Variants in MTMR11 observed in about 807,000 individuals in gnomAD.
The protein encoded by MTMR11 is myotubularin-related protein 11.
A neutral mutation model predicts 100.0 loss-of-function variants in MTMR11; 89 were observed. The observed-to-expected ratio is 0.89, with a 90% confidence interval of 0.75 to 1.06. MTMR11 has a LOEUF of 1.06. MTMR11 is among the 50% of genes least tolerant of loss of function. The probability of loss-of-function intolerance (pLI) is 0.00; values close to 1 mark genes in which losing one functional copy is unlikely to be tolerated. For synonymous variants in MTMR11, 336 were observed against 326.3 expected (o/e 1.03, Z -0.32); for missense variants, 809 against 873.7 (o/e 0.93, Z 0.93).
Position 149,933,594 on chromosome 1 carries a change from A to G in MTMR11, c.860+16T>C, listed in dbSNP as rs968774360. 1.9e-6 allele frequency: 3 copies of G among 1,613,628 alleles called. No individual in the cohort carries two copies. Among genetic ancestry groups the G allele is most frequent in the Non-Finnish European group, 2.5e-6 (3 of 1,179,658 alleles). On this transcript the variant is annotated intron_variant, in intron 9 of 16. Transcript: ENST00000439741. ...GAGCACCTAACCCTTGATTCTTCTC[A>G]TCAAGCCTCCCTCACCTGATATCCT... is the stretch of plus-strand genomic sequence containing the variant.
At chr1:149,933,030 C>T (rs587774810) in intron 10 of MTMR11, among the ~76,000 whole-genome samples, 2 of 150,632 alleles carry the variant, frequency 1.3e-5, no homozygotes, top group South Asian at 2.1e-4. Context: ...TCTCAGTTCA[C>T]CCGCCTCCTG....
Position 149,932,332 on chromosome 1 carries a change from T to A in MTMR11, c.986-2A>T. ...ATTTATCCTCAGCTACAGATGAATCTGATAGAGGGTAGAAAGATCAGAAGG... is the reference window on the plus strand; with the variant it reads ...ATTTATCCTCAGCTACAGATGAATCAGATAGAGGGTAGAAAGATCAGAAGG... On this transcript the variant is annotated splice_acceptor_variant, in intron 10 of 16. Coordinates refer to ENST00000439741, the MANE Select transcript of MTMR11 (RefSeq NM_001145862.2). LOFTEE classifies it high-confidence loss of function. 6.2e-7 allele frequency: 1 copy of A among 1,612,342 alleles called. No individual in the cohort carries two copies.
At position 149,928,742 on chromosome 1, in the gene MTMR11, A is replaced by T. The variant is rs2092613818; in HGVS notation, c.*387T>A. On this transcript the variant is annotated 3_prime_UTR_variant, in exon 17 of 17. Coordinates refer to ENST00000439741, the MANE Select transcript of MTMR11 (RefSeq NM_001145862.2). ...ATAGGGTGTTTCCTGTATCCGCCTC[A>T]TTCCCATAGAAAACTATAAGGGAAG... The T allele has an allele frequency of 2.1e-6, 2 of 946,188 alleles. No homozygotes were observed. Among genetic ancestry groups the T allele is most frequent in the African/African-American group, 1.6e-5 (1 of 61,044 alleles). The allele number at this position is 946,188 out of a possible 1,614,324, so 58.6% of individuals were successfully genotyped here.
Position 149,933,844 on chromosome 1 carries a change from AT to A in MTMR11, c.771+10del, listed in dbSNP as rs781920941. ...CTAATCCACAGCCATTACCCTAACCATCACACTGACCGGTCCACGGCCCTGA... is the reference window on the plus strand; with the variant it reads ...CTAATCCACAGCCATTACCCTAACCACACACTGACCGGTCCACGGCCCTGA... On this transcript the variant is annotated intron_variant, in intron 8 of 16. Coordinates refer to ENST00000439741, the MANE Select transcript of MTMR11 (RefSeq NM_001145862.2). 1.9e-6 allele frequency: 3 copies of A among 1,613,500 alleles called. No individual in the cohort carries two copies. Among genetic ancestry groups the A allele is most frequent in the Non-Finnish European group, 2.5e-6 (3 of 1,179,418 alleles).
chr1:149,933,838 C>CT lies in MTMR11; in HGVS notation c.771+16dup, dbSNP rs1553768255. 2 of 1,613,170 alleles carry CT rather than the reference C, an allele frequency of 1.2e-6. No homozygotes were observed. Among genetic ancestry groups the CT allele is most frequent in the Admixed American group, 3.3e-5 (2 of 60,022 alleles). ...GACCCTCTAATCCACAGCCATTACC[C>CT]TAACCATCACACTGACCGGTCCACG... On this transcript the variant is annotated intron_variant, in intron 8 of 16. Coordinates refer to ENST00000439741, the MANE Select transcript of MTMR11 (RefSeq NM_001145862.2).
At chr1:149,933,158 G>A (rs1197283902) in intron 10 of MTMR11, among the ~76,000 whole-genome samples, 1 of 151,940 alleles carries the variant, frequency 6.6e-6, no homozygotes, top group African/African-American at 2.4e-5. Flanking sequence ...GTTTCACCAT[G>A]TTGGCCAGGT....
Position 149,929,001 on chromosome 1 carries a change from A to G in MTMR11, c.*128T>C, listed in dbSNP as rs2092617852. Reference sequence around the variant, plus strand: ...AGAAACTAAGCAAGACAAGAGTTGGAGCAGTTAACACCACTATCTGCAGCA... The same window carrying G: ...AGAAACTAAGCAAGACAAGAGTTGGGGCAGTTAACACCACTATCTGCAGCA... On this transcript the variant is annotated 3_prime_UTR_variant, in exon 17 of 17. Transcript: ENST00000439741. 4 of 1,608,098 alleles carry G rather than the reference A, an allele frequency of 2.5e-6. No homozygotes were observed. The highest frequency in any genetic ancestry group is 2.2e-5 in the East Asian group (1 of 44,740).
At chr1:149,934,597 G>T in intron 5 of MTMR11, 71 bp from the exon 6 acceptor site, 5 of 1,439,646 alleles carry the variant, frequency 3.5e-6, no homozygotes, top group Non-Finnish European at 4.9e-6. Flanking sequence ...TGGAGCCCAT[G>T]TGTTGCTCCA....
Position 149,929,093 on chromosome 1 carries a change from C to CAAAA in MTMR11, c.*32_*35dup. The CAAAA allele has an allele frequency of 1.3e-5, 19 of 1,426,786 alleles. No individual in the cohort carries two copies. The highest frequency in any genetic ancestry group is 1.8e-5 in the African/African-American group (1 of 55,168). 88.4% of individuals were successfully genotyped at this position (1,426,786 alleles called of 1,614,324 possible). A position where few individuals can be genotyped will look rare whatever the true frequency, so the allele number is the denominator to read the frequency against. ...AAAGCTGAGGCTGCAAGTGCAGATACAAAAAAAAAAAAAAAAGATTAGACA... is the reference window on the plus strand; with the variant it reads ...AAAGCTGAGGCTGCAAGTGCAGATACAAAAAAAAAAAAAAAAAAAAGATTAGACA... On this transcript the variant is annotated 3_prime_UTR_variant, in exon 17 of 17. Transcript: ENST00000439741.
intron 4 of MTMR11, 77 bp from the exon 5 acceptor site, chr1:149,935,205 T>A: frequency 6.2e-7 from 1 of 1,607,222 alleles, no homozygotes; most frequent in Non-Finnish European, 8.5e-7. Context: ...CCCATCCCAC[T>A]CCATCCCTGC....
chr1:149,929,775 TAGC>T lies in MTMR11; in HGVS notation c.1786_1788del (p.Ala596del). 6.2e-7 allele frequency: 1 copy of T among 1,614,006 alleles called. No individual in the cohort carries two copies. Among genetic ancestry groups the T allele is most frequent in the Non-Finnish European group, 8.5e-7 (1 of 1,180,000 alleles). On this transcript the variant is annotated inframe_deletion, in exon 16 of 17. Coordinates refer to ENST00000439741, the MANE Select transcript of MTMR11 (RefSeq NM_001145862.2). ...TGGTCAGCCAGGCTTTCAGAGGAGA[TAGC>T]AGGTCGAGGGAGCCAACGAGAAGAG...
In MTMR11 at chr1:149,929,867, C is replaced by T; in HGVS notation, c.1697G>A (p.Arg566Lys). ...CTGATTCAGGGGGGTCAATGCTCCT[C>T]TAGAGAAGAGCCACACAGAACTGGG... ...GPPSSVWLFSRGALTPLNQLC... is the reference protein window; with the variant it reads ...GPPSSVWLFSKGALTPLNQLC... Residue 566 changes from arginine to lysine, a missense_variant, in exon 16 of 17, where the codon AGA becomes AAA. By Grantham distance (26) the Arg-to-Lys change is conservative (BLOSUM62 2). Transcript: ENST00000439741. 1 of 1,614,146 alleles carries T rather than the reference C, an allele frequency of 6.2e-7. No homozygotes were observed. The highest frequency in any genetic ancestry group is 8.5e-7 in the Non-Finnish European group (1 of 1,180,012).
rs587721985 is a variant in MTMR11, at chr1:149,933,620, C to T, written c.850G>A (p.Glu284Lys). Residue 284 changes from glutamate to lysine, a missense_variant, in exon 9 of 17, where the codon GAG (glutamate) becomes AAG (lysine). Physicochemically the swap from Glu to Lys is moderately conservative, Grantham distance 56 (BLOSUM62 1). Coordinates refer to ENST00000439741, the MANE Select transcript of MTMR11 (RefSeq NM_001145862.2). Reference protein sequence around the residue: ...GFYTASDPNKEDIRAVELMLQ... With the variant: ...GFYTASDPNKKDIRAVELMLQ... ...TCAAGCCTCCCTCACCTGATATCCT[C>T]CTTGTTAGGGTCACTGGCTGTATAG... 8.4e-4 allele frequency: 1,354 copies of T among 1,614,196 alleles called. 23 individuals are homozygous for T. In the South Asian group the frequency reaches 0.014, roughly 17 times the overall value.
chr1:149,931,553 A>G, intron 12 of MTMR11, 127 bp from the exon 13 acceptor site: 1 of 831,934 alleles, frequency 1.2e-6, no homozygotes, highest in Non-Finnish European at 1.8e-6. Flanking sequence ...GGGTAGGAGG[A>G]TTGAGAAAGC....
chr1:149,933,605 C>G lies in MTMR11; in HGVS notation c.860+5G>C. On this transcript the variant is annotated splice_donor_5th_base_variant and intron_variant, in intron 9 of 16. Coordinates refer to ENST00000439741, the MANE Select transcript of MTMR11 (RefSeq NM_001145862.2). ...CCTTGATTCTTCTCATCAAGCCTCC[C>G]TCACCTGATATCCTCCTTGTTAGGG... The G allele has an allele frequency of 6.2e-7, 1 of 1,614,186 alleles. No homozygotes were observed. Among genetic ancestry groups the G allele is most frequent in the Non-Finnish European group, 8.5e-7 (1 of 1,180,032 alleles).
Position 149,928,966 on chromosome 1 carries a change from A to T in MTMR11, c.*163T>A. The stretch of plus-strand genomic sequence containing the variant: ...TAATCCTTCAAATGACAAGAAGCAA[A>T]AATATTTGTAGAAACTAAGCAAGAC... On this transcript the variant is annotated 3_prime_UTR_variant, in exon 17 of 17. Coordinates refer to ENST00000439741, the MANE Select transcript of MTMR11 (RefSeq NM_001145862.2). 1 of 1,613,310 alleles carries T rather than the reference A, an allele frequency of 6.2e-7. No individual in the cohort carries two copies. The highest frequency in any genetic ancestry group is 2.2e-5 in the East Asian group (1 of 44,876).
Position 149,932,282 on chromosome 1 carries a change from C to T in MTMR11, c.1034G>A (p.Arg345Gln), listed in dbSNP as rs1553767839. 2.5e-6 allele frequency: 4 copies of T among 1,613,892 alleles called. No homozygotes were observed. Among genetic ancestry groups the T allele is most frequent in the Middle Eastern group, 1.6e-4 (1 of 6,084 alleles). The change falls in exon 11 of 17, where the codon CGA becomes CAA. Residue 345 changes from arginine (R) to glutamine (Q), a missense_variant. Coordinates refer to ENST00000439741, the MANE Select transcript of MTMR11 (RefSeq NM_001145862.2). ...GGAGTACCTGACATAGTCCAGCCAT[C>T]GTGTTCCTTCCAGGGCTGAAAGCCA... ...DKWLSALEGT[R>Q]WLDYVRACLR...
Position 149,928,913 on chromosome 1 carries a change from GATCA to G in MTMR11, c.*212_*215del. 1.9e-6 allele frequency: 3 copies of G among 1,614,000 alleles called. No individual in the cohort carries two copies. The highest frequency in any genetic ancestry group is 2.5e-6 in the Non-Finnish European group (3 of 1,179,974). On this transcript the variant is annotated 3_prime_UTR_variant, in exon 17 of 17. Coordinates refer to ENST00000439741, the MANE Select transcript of MTMR11 (RefSeq NM_001145862.2). ...GGGATGGGATTGGCCTAAAAAAACC[GATCA>G]ATTTCTGGATTGTTTTTGTTTCTTA...
chr1:149,929,789 A>G lies in MTMR11; in HGVS notation c.1775T>C (p.Leu592Pro). Residue 592 changes from leucine to proline, a missense_variant, in exon 16 of 17, where the codon CTC becomes CCC. By Grantham distance (98) the Leu-to-Pro change is moderately conservative. Coordinates refer to ENST00000439741, the MANE Select transcript of MTMR11 (RefSeq NM_001145862.2). ...TTCAGAGGAGATAGCAGGTCGAGGG[A>G]GCCAACGAGAAGAGACTGCCAGCAG... ...PSLLAVSSRW[L>P]PRPAISSESL... The G allele has an allele frequency of 6.2e-7, 1 of 1,614,184 alleles. No homozygotes were observed. Among genetic ancestry groups the G allele is most frequent in the Non-Finnish European group, 8.5e-7 (1 of 1,180,026 alleles).
Sources: gnomAD v4.1 joint callset for allele counts (sites outside exome capture counted in the v4.1 genomes callset) on GRCh38, gnomAD v4.1.1 for gene constraint, MANE v1.5 for transcripts, NCBI Gene and HGNC (gene_info 2026-07-23, HGNC 2026-07-21) for gene names.